The following NFRKB variants were observed in gnomAD, a reference collection of about 807,000 sequenced individuals.
NFRKB encodes nuclear factor related to kappaB binding protein, also known as nuclear factor related to kappa-B-binding protein.
A neutral mutation model predicts 135.7 loss-of-function variants in NFRKB; 62 were observed. The ratio of observed to expected loss-of-function variants is 0.46; its 90% CI spans 0.37 to 0.56. NFRKB has a LOEUF of 0.56. Ranked by LOEUF, NFRKB falls within the 20% of genes least tolerant of loss-of-function variation. The probability of loss-of-function intolerance (pLI) is 0.00; values close to 1 mark genes in which losing one functional copy is unlikely to be tolerated. For missense variants in NFRKB, 1,545 were observed against 1,662.0 expected (o/e 0.93, Z 1.22); for synonymous variants, 678 against 635.6 (o/e 1.07, Z -1.00).
chr11:129,893,204 C>A (rs1260074832), intron 2 of NFRKB: 3 of 633,834 alleles, frequency 4.7e-6, no homozygotes, highest in South Asian at 1.8e-5. Context: ...CTTCCCAGAC[C>A]AATAATCACT....
At chr11:129,886,576 G>A in intron 4 of NFRKB, 132 bp from the exon 5 acceptor site, 2 of 834,604 alleles carry the variant, frequency 2.4e-6, no homozygotes, top group Non-Finnish European at 3.7e-6. Flanking sequence ...GAACATTTAA[G>A]AGAATCAAGA....
intron 17 of NFRKB, 103 bp from the exon 18 acceptor site, chr11:129,875,566 G>A (rs1948722552): frequency 1.2e-6 from 1 of 804,518 alleles, no homozygotes; most frequent in Admixed American, 2.4e-5. Context: ...TGGGGTTCCT[G>A]CTCCTCTACC....
intron 3 of NFRKB, among the ~76,000 whole-genome samples, chr11:129,889,641 T>C (rs1949444206): frequency 1.3e-5 from 1 of 74,686 alleles, no homozygotes; most frequent in Non-Finnish European, 3.7e-5. Context: ...GCAGTTACAA[T>C]GTAGTTAAAG....
chr11:129,880,875 C>G (rs1462430542), intron 13 of NFRKB, among the ~76,000 whole-genome samples: 2 of 152,196 alleles, frequency 1.3e-5, no homozygotes, highest in East Asian at 1.9e-4. Context: ...ACAGACCACT[C>G]AGCACAGAGA....
In NFRKB at chr11:129,869,482, C is replaced by A. The variant is rs1565390072; in HGVS notation, c.3531+12G>T. Reference sequence around the variant, plus strand: ...AAAAAAGAAGGCCTAAGCTTTACCACTAGTTACTCACAGCCTGGGACGTGG... The same window carrying A: ...AAAAAAGAAGGCCTAAGCTTTACCAATAGTTACTCACAGCCTGGGACGTGG... On this transcript the variant is annotated intron_variant, in intron 24 of 26. Coordinates refer to ENST00000682444, the MANE Select transcript of NFRKB (RefSeq NM_001143835.2). The A allele has an allele frequency of 1.9e-6, 3 of 1,595,006 alleles. No homozygotes were observed. The Admixed American group carries it at 5.2e-5, about 28-fold the overall frequency.
Position 129,885,593 on chromosome 11 carries a change from G to A in NFRKB, c.482C>T (p.Ala161Val). Reference sequence around the variant, plus strand: ...GGGAAGGGCGGGGCCACTCCGCCGGGCCATCTCCAGCAGATCCTAGGTAGA... The same window carrying A: ...GGGAAGGGCGGGGCCACTCCGCCGGACCATCTCCAGCAGATCCTAGGTAGA... ...LASRSDLLEM[A>V]RRSGPALPFR... Residue 161 changes from alanine to valine, a missense_variant, in exon 6 of 27, where the codon GCC (alanine) becomes GTC (valine). Coordinates refer to ENST00000682444, the MANE Select transcript of NFRKB (RefSeq NM_001143835.2). 6.2e-7 allele frequency: 1 copy of A among 1,610,186 alleles called. No individual in the cohort carries two copies. Among genetic ancestry groups the A allele is most frequent in the South Asian group, 1.1e-5 (1 of 90,846 alleles).
chr11:129,864,547 G>A lies in NFRKB; in HGVS notation c.*178C>T, dbSNP rs370754101. 2.2e-4 allele frequency: 158 copies of A among 717,826 alleles called. 1 individual carries two copies. The East Asian group carries it at 2.3e-3, about 10-fold the overall frequency. The allele number at this position is 717,826 out of a possible 1,614,324, so 44.5% of individuals were successfully genotyped here. Reference sequence around the variant, plus strand: ...CCCTGGAGTGAACCTTTCTCAGGGTGCTCCACTATGGCACGTGGCAGCAGA... The same window carrying A: ...CCCTGGAGTGAACCTTTCTCAGGGTACTCCACTATGGCACGTGGCAGCAGA... On this transcript the variant is annotated 3_prime_UTR_variant, in exon 27 of 27. Coordinates refer to ENST00000682444, the MANE Select transcript of NFRKB (RefSeq NM_001143835.2).
At chr11:129,890,184 A>C (rs924945459) in intron 3 of NFRKB, among the ~76,000 whole-genome samples, 2 of 151,998 alleles carry the variant, frequency 1.3e-5, no homozygotes, top group Admixed American at 6.6e-5. Flanking sequence ...AGACCCACTA[A>C]AGGGTTTCAG....
At chr11:129,867,654 C>T (rs1190278128) in intron 24 of NFRKB, among the ~76,000 whole-genome samples, 1 of 152,176 alleles carries the variant, frequency 6.6e-6, no homozygotes, top group Admixed American at 6.6e-5. Flanking sequence ...TTAAGATTTT[C>T]TGTTTTGGGT....
rs536567928 is a variant in NFRKB, at chr11:129,891,594, C to T, written c.135+1121G>A. 3.9e-5 allele frequency among the ~76,000 whole-genome samples: 6 copies of T among 152,296 alleles called. No individual in the cohort carries two copies. The East Asian group carries it at 1.2e-3, about 29-fold the overall frequency. Reference sequence around the variant, plus strand: ...AGTCACCAGGACTTAAGGCCCTACACAGAAATTCCACCGCTAGCCTTAGCA... The same window carrying T: ...AGTCACCAGGACTTAAGGCCCTACATAGAAATTCCACCGCTAGCCTTAGCA... On this transcript the variant is annotated intron_variant, in intron 3 of 26. Transcript: ENST00000682444.
In NFRKB at chr11:129,870,654, A is replaced by G. The variant is rs61913690; in HGVS notation, c.2764-393T>C. Among the ~76,000 whole-genome samples, 521 of 152,230 alleles carry G rather than the reference A, an allele frequency of 3.4e-3. 1 individual carries two copies. Among genetic ancestry groups the G allele is most frequent in the Non-Finnish European group, 6.4e-3 (433 of 68,000 alleles). On this transcript the variant is annotated intron_variant, in intron 23 of 26. Transcript: ENST00000682444. The stretch of plus-strand genomic sequence containing the variant: ...ACAATCAGAGCTCACTGCAGCCTCG[A>G]ACTCCTGGGCTTAAATTTCCTCCTG...
chr11:129,864,887 C>T, intron 26 of NFRKB, 37 bp from the exon 27 acceptor site: 1 of 1,613,996 alleles, frequency 6.2e-7, no homozygotes. Context: ...CAATGGATTG[C>T]AAGCGGGCTC....
chr11:129,881,519 T>C lies in NFRKB; in HGVS notation c.1319-11A>G. ...AACTGGAAGGAACAGCTGCAAGAAA[T>C]GGACCACATAAACAAACCATACAGG... On this transcript the variant is annotated splice_polypyrimidine_tract_variant and intron_variant, in intron 12 of 26. Transcript: ENST00000682444. 6.2e-7 allele frequency: 1 copy of C among 1,614,102 alleles called. No homozygotes were observed. Among genetic ancestry groups the C allele is most frequent in the Non-Finnish European group, 8.5e-7 (1 of 1,180,006 alleles).
intron 23 of NFRKB, 51 bp from the exon 24 acceptor site, chr11:129,870,312 T>C (rs1948441328): frequency 6.4e-7 from 1 of 1,552,204 alleles, no homozygotes; most frequent in Non-Finnish European, 8.7e-7. Flanking sequence ...GTAAACCGGT[T>C]ACAAAATACA....
chr11:129,881,966 A>G (rs1949049008), intron 11 of NFRKB, 113 bp from the exon 12 acceptor site: 1 of 1,493,848 alleles, frequency 6.7e-7, no homozygotes, highest in African/African-American at 1.4e-5. Context: ...CGAATCACAA[A>G]GCAAGTTAAC....
intron 4 of NFRKB, among the ~76,000 whole-genome samples, chr11:129,887,705 C>A (rs1241032415): frequency 6.6e-6 from 1 of 152,212 alleles, no homozygotes; most frequent in African/African-American, 2.4e-5. Flanking sequence ...TGGATTTACA[C>A]AGCTACTCTA....
intron 13 of NFRKB, among the ~76,000 whole-genome samples, chr11:129,879,640 C>T (rs1302234223): frequency 1.3e-5 from 2 of 152,212 alleles, no homozygotes; most frequent in African/African-American, 4.8e-5. Flanking sequence ...AACCCTGCTC[C>T]AGGCTTTCCC....
Position 129,895,518 on chromosome 11 carries a change from C to G in NFRKB, c.-124G>C, listed in dbSNP as rs1413867190. The G allele has an allele frequency of 2.6e-5, 4 of 152,466 alleles. No individual in the cohort carries two copies. Among genetic ancestry groups the G allele is most frequent in the Non-Finnish European group, 5.9e-5 (4 of 68,254 alleles). 9.4% of individuals were successfully genotyped at this position (152,466 alleles called of 1,614,324 possible). On this transcript the variant is annotated 5_prime_UTR_variant, in exon 1 of 27. Transcript: ENST00000682444. ...CACCTGAACCGCGGGCGCCGGCCCC[C>G]TAACCCGCAGCCCTTCTCCGGCCGC...
At position 129,874,367 on chromosome 11, in the gene NFRKB, T is replaced by A; in HGVS notation, c.2059-34A>T. The A allele has an allele frequency of 6.6e-7, 1 of 1,519,932 alleles. No homozygotes were observed. The highest frequency in any genetic ancestry group is 8.8e-7 in the Non-Finnish European group (1 of 1,136,764). 94.2% of individuals were successfully genotyped at this position (1,519,932 alleles called of 1,614,324 possible). ...GAAGACAAAGAAAACTCACCTGGTG[T>A]CGTGAAGATCCCCCTAAAGGAAGGG... On this transcript the variant is annotated intron_variant, in intron 20 of 26. Transcript: ENST00000682444. The surrounding 1 kb of genome is among the most constrained non-coding windows in gnomAD (Gnocchi z 4.5).
Sources: allele counts gnomAD v4.1 joint callset (sites outside exome capture counted in the v4.1 genomes callset), GRCh38; gene constraint gnomAD v4.1.1; non-coding constraint Gnocchi (gnomAD v3.1); transcripts MANE v1.5; gene names NCBI Gene and HGNC (gene_info 2026-07-23, HGNC 2026-07-21).